The following ZNF341 variants were observed in gnomAD, a reference collection of about 807,000 sequenced individuals.
ZNF341 encodes zinc finger protein 341.
A neutral mutation model predicts 87.7 loss-of-function variants in ZNF341; 52 were observed. That is an observed-to-expected ratio of 0.59 (90% confidence interval 0.47 to 0.75). The LOEUF is 0.75. Among genes scored for constraint, ZNF341 ranks in the 30% least tolerant of loss-of-function variants. The probability of loss-of-function intolerance (pLI) is 0.00; values close to 1 mark genes in which losing one functional copy is unlikely to be tolerated. For missense variants in ZNF341, 977 were observed against 1,145.9 expected (o/e 0.85, Z 2.13); for synonymous variants, 459 against 472.7 (o/e 0.97, Z 0.38).
chr20:33,768,271 C>T (rs2019452015), intron 9 of ZNF341, among the ~76,000 whole-genome samples: 2 of 151,408 alleles, frequency 1.3e-5, no homozygotes, highest in Admixed American at 6.6e-5. Context: ...TACAGGTGCC[C>T]CCCACCACAC....
Position 33,743,717 on chromosome 20 carries a change from C to T in ZNF341, c.143-1386C>T, listed in dbSNP as rs922104923. Among the ~76,000 whole-genome samples, 6 of 152,202 alleles carry T rather than the reference C, an allele frequency of 3.9e-5. 1 individual carries two copies. The highest frequency in any genetic ancestry group is 3.3e-4 in the Admixed American group (5 of 15,266). ...GAATAACAATTAGACATTTCTGCTACCACATGTTGGGTGCTTGACACAGTG... is the reference window on the plus strand; with the variant it reads ...GAATAACAATTAGACATTTCTGCTATCACATGTTGGGTGCTTGACACAGTG... On this transcript the variant is annotated intron_variant, in intron 2 of 14. Transcript: ENST00000375200.
chr20:33,790,708 C>G (rs2019991683), intron 14 of ZNF341, among the ~76,000 whole-genome samples: 1 of 152,154 alleles, frequency 6.6e-6, no homozygotes, highest in African/African-American at 2.4e-5. Flanking sequence ...GATGACCTGG[C>G]AAAGCGAGCC....
chr20:33,753,301 C>A lies in ZNF341; in HGVS notation c.619C>A (p.Pro207Thr), dbSNP rs569450704. Residue 207 changes from proline (P) to threonine (T), a missense_variant, in exon 5 of 15, where the codon CCT (proline) becomes ACT (threonine). By Grantham distance (38) the Pro-to-Thr change is conservative. Coordinates refer to ENST00000375200, the MANE Select transcript of ZNF341 (RefSeq NM_001282933.2). Reference protein sequence around the residue: ...PPPPPQSLGPPGRPNPGGNGV... With the variant: ...PPPPPQSLGPTGRPNPGGNGV... The stretch of plus-strand genomic sequence containing the variant: ...ACCTCCACCCCAGAGCCTGGGCCCC[C>A]CTGGGCGTCCCAACCCTGGTGGGAA... The A allele has an allele frequency of 4.3e-6, 7 of 1,611,846 alleles. No homozygotes were observed. The highest frequency in any genetic ancestry group is 2.2e-5 in the East Asian group (1 of 44,868).
At chr20:33,753,453 C>T (rs1312062043) in intron 5 of ZNF341, 30 bp downstream of exon 5, 2 of 1,548,462 alleles carry the variant, frequency 1.3e-6, no homozygotes, top group Admixed American at 2.0e-5. Context: ...TGGAAGAGGA[C>T]ACTGGTCATG....
intron 9 of ZNF341, 131 bp downstream of exon 9, chr20:33,767,172 G>T (rs928654684): frequency 1.8e-6 from 2 of 1,119,620 alleles, no homozygotes; most frequent in Admixed American, 2.4e-5. Context: ...TATTCCCCCC[G>T]GGTTAGATTC....
At chr20:33,782,229 T>C (rs2019761298) in intron 11 of ZNF341, among the ~76,000 whole-genome samples, 1 of 152,334 alleles carries the variant, frequency 6.6e-6, no homozygotes, top group Middle Eastern at 3.4e-3. Flanking sequence ...TAAAGTTCAT[T>C]TGAATCAGGT....
intron 8 of ZNF341, among the ~76,000 whole-genome samples, chr20:33,763,238 C>T (rs1295277589): frequency 6.6e-6 from 1 of 152,170 alleles, no homozygotes; most frequent in Non-Finnish European, 1.5e-5. Context: ...GTATTAGATG[C>T]ATAATGGTGG....
chr20:33,760,024 C>T (rs1017488200), intron 7 of ZNF341, among the ~76,000 whole-genome samples: 1 of 152,210 alleles, frequency 6.6e-6, no homozygotes, highest in Non-Finnish European at 1.5e-5. Context: ...GCCAAATGTT[C>T]CCTGGAGGGC....
intron 4 of ZNF341, among the ~76,000 whole-genome samples, chr20:33,752,941 C>A (rs1304048857): frequency 6.6e-6 from 1 of 152,188 alleles, no homozygotes; most frequent in South Asian, 2.1e-4. Flanking sequence ...AGCCACTGCG[C>A]CCGGCCATTT....
At chr20:33,767,612 C>T (rs981960407) in intron 9 of ZNF341, among the ~76,000 whole-genome samples, 9 of 152,096 alleles carry the variant, frequency 5.9e-5, no homozygotes, top group Admixed American at 1.3e-4. Flanking sequence ...CACTGTTATC[C>T]GTGAGCCAAA....
intron 3 of ZNF341, among the ~76,000 whole-genome samples, chr20:33,748,135 G>A (rs1330606594): frequency 1.3e-5 from 2 of 151,628 alleles, no homozygotes; most frequent in South Asian, 2.1e-4. Flanking sequence ...GCAGTGGCAC[G>A]ATCTCAGCTC....
intron 1 of ZNF341, among the ~76,000 whole-genome samples, chr20:33,739,260 G>T (rs764211046): frequency 2.6e-5 from 4 of 152,210 alleles, no homozygotes; most frequent in Non-Finnish European, 4.4e-5. Context: ...GAGCCACCAT[G>T]CCCGGCCAGA....
Position 33,753,351 on chromosome 20 carries a change from T to C in ZNF341, c.669T>C (p.Ala223=). The C allele has an allele frequency of 6.2e-7, 1 of 1,609,290 alleles. No individual in the cohort carries two copies. Among genetic ancestry groups the C allele is most frequent in the Non-Finnish European group, 8.5e-7 (1 of 1,177,882 alleles). The stretch of plus-strand genomic sequence containing the variant: ...ACGGTGTGGTGGAGGTGTACAGTGC[T>C]GCTGCGCCCCTGGCTGGGAGTGGAA... ...GGNGVVEVYS[A]AAPLAGSGTV... Residue 223 remains alanine (A), a synonymous_variant, in exon 5 of 15, where the codon GCT becomes GCC. Coordinates refer to ENST00000375200, the MANE Select transcript of ZNF341 (RefSeq NM_001282933.2).
chr20:33,770,338 G>GGGGGGGGGGGGC, intron 10 of ZNF341, 46 bp downstream of exon 10: 2 of 491,748 alleles, frequency 4.1e-6, no homozygotes, highest in Non-Finnish European at 8.4e-6. Flanking sequence ...GGGTGGGTGG[G>GGGGGGGGGGGGC]CAGGGAGCCC....
intron 12 of ZNF341, among the ~76,000 whole-genome samples, chr20:33,786,433 G>A (rs1394421229): frequency 6.6e-6 from 1 of 152,154 alleles, no homozygotes; most frequent in African/African-American, 2.4e-5. Flanking sequence ...AGGTTAAAAT[G>A]CATGTGTAAT....
chr20:33,755,991 G>A (rs2019168809), intron 5 of ZNF341, among the ~76,000 whole-genome samples: 1 of 152,024 alleles, frequency 6.6e-6, no homozygotes, highest in Admixed American at 6.5e-5. Context: ...GGGAGCCCGA[G>A]GTGGGTGGAT....
At chr20:33,763,904 C>A (rs1173885575) in intron 8 of ZNF341, among the ~76,000 whole-genome samples, 1 of 151,642 alleles carries the variant, frequency 6.6e-6, no homozygotes, top group Non-Finnish European at 1.5e-5. Flanking sequence ...AAATGTTCAG[C>A]CGGGCATGGT....
chr20:33,783,737 T>C lies in ZNF341; in HGVS notation c.1725T>C (p.Phe575=), dbSNP rs1158401892. 6.2e-7 allele frequency: 1 copy of C among 1,613,758 alleles called. No individual in the cohort carries two copies. The highest frequency in any genetic ancestry group is 1.1e-5 in the South Asian group (1 of 91,076). ...NFPCPHCQKV[F]PCERYLRRHL... is the part of the protein sequence containing the mutation. Reference sequence around the variant, plus strand: ...AGGCCCCTCTTCTCTCCCAGGTGTTTCCTTGTGAACGCTACCTGCGGCGTC... The same window carrying C: ...AGGCCCCTCTTCTCTCCCAGGTGTTCCCTTGTGAACGCTACCTGCGGCGTC... Residue 575 remains phenylalanine, a synonymous_variant, in exon 12 of 15, where the codon TTT becomes TTC. Coordinates refer to ENST00000375200, the MANE Select transcript of ZNF341 (RefSeq NM_001282933.2).
At chr20:33,769,120 A>G (rs1383528465) in intron 9 of ZNF341, among the ~76,000 whole-genome samples, 1 of 152,170 alleles carries the variant, frequency 6.6e-6, no homozygotes, top group Non-Finnish European at 1.5e-5. Context: ...ATTACGTTGG[A>G]TTAGTTTTTT....
Sources: allele counts gnomAD v4.1 joint callset (sites outside exome capture counted in the v4.1 genomes callset), GRCh38; gene constraint gnomAD v4.1.1; transcripts MANE v1.5; gene names NCBI Gene and HGNC (gene_info 2026-07-23, HGNC 2026-07-21).